Variants in CLSTN2 observed in about 807,000 individuals in gnomAD.
The protein encoded by CLSTN2 is calsyntenin-2.
A neutral mutation model predicts 101.2 loss-of-function variants in CLSTN2; 48 were observed. The ratio of observed to expected loss-of-function variants is 0.47; its 90% CI spans 0.38 to 0.60. The LOEUF (loss-of-function observed/expected upper bound fraction) is 0.60, where lower values mean the gene tolerates loss of function less well. Ranked by LOEUF, CLSTN2 falls within the 20% of genes least tolerant of loss-of-function variation. The pLI is 0.00. For synonymous variants in CLSTN2, 481 were observed against 463.6 expected, an observed-to-expected ratio of 1.04 and a Z score of -0.48; for missense variants, 1,160 against 1,238.2, an observed-to-expected ratio of 0.94 and a Z score of 0.95.
intron 1 of CLSTN2, among the ~76,000 whole-genome samples, chr3:139,966,685 T>C (rs1393881026): frequency 6.6e-6 from 1 of 152,220 alleles, no homozygotes; most frequent in African/African-American, 2.4e-5. Flanking sequence ...TATTTTTGTG[T>C]CTCCTTCCCT....
At chr3:140,053,727 G>A (rs2008045391) in intron 1 of CLSTN2, among the ~76,000 whole-genome samples, 1 of 152,116 alleles carries the variant, frequency 6.6e-6, no homozygotes, top group Admixed American at 6.5e-5. Context: ...CCCCTGAGCT[G>A]TGAGGCTTTG....
chr3:140,432,846 T>A (rs576738298), intron 5 of CLSTN2, among the ~76,000 whole-genome samples: 3 of 152,274 alleles, frequency 2.0e-5, no homozygotes, highest in African/African-American at 7.2e-5. Flanking sequence ...TCAATAATAA[T>A]AACAGTAATA....
intron 1 of CLSTN2, among the ~76,000 whole-genome samples, chr3:140,115,904 G>A (rs982059764): frequency 7.2e-5 from 11 of 152,200 alleles, no homozygotes; most frequent in South Asian, 6.2e-4. Context: ...AGTGGGCTCC[G>A]TTGTTAGGCT....
intron 1 of CLSTN2, among the ~76,000 whole-genome samples, chr3:140,041,028 G>T (rs61106304): frequency 0.016 from 2,509 of 152,238 alleles, 69 homozygotes; most frequent in African/African-American, 0.057. Flanking sequence ...GTGGAGAAAA[G>T]GCACAGTAAT....
At chr3:140,224,498 A>G (rs1236719140) in intron 2 of CLSTN2, among the ~76,000 whole-genome samples, 1 of 152,200 alleles carries the variant, frequency 6.6e-6, no homozygotes, top group African/African-American at 2.4e-5. Flanking sequence ...TGGAGTTTAT[A>G]TTATGTGTTC....
chr3:140,408,264 A>T (rs997569855), intron 4 of CLSTN2, among the ~76,000 whole-genome samples: 1 of 152,138 alleles, frequency 6.6e-6, no homozygotes, highest in Admixed American at 6.5e-5. Flanking sequence ...CAGTTTCCTG[A>T]GCTTTCAGGA....
At chr3:139,943,037 C>A (rs1203911128) in intron 1 of CLSTN2, among the ~76,000 whole-genome samples, 1 of 152,132 alleles carries the variant, frequency 6.6e-6, no homozygotes, top group African/African-American at 2.4e-5. Context: ...AAGGCTCACT[C>A]AGTATCTGTT....
At chr3:140,218,279 G>A (rs142096208) in intron 2 of CLSTN2, among the ~76,000 whole-genome samples, 60 of 152,264 alleles carry the variant, frequency 3.9e-4, no homozygotes, top group African/African-American at 1.4e-3. Context: ...TGTTTTGCTT[G>A]TATTAATCTC....
chr3:139,955,187 C>T (rs1428958514), intron 1 of CLSTN2, among the ~76,000 whole-genome samples: 1 of 133,386 alleles, frequency 7.5e-6, no homozygotes, highest in Non-Finnish European at 1.5e-5. Context: ...TTGAAAAGTT[C>T]TCTTAATTCT....
intron 2 of CLSTN2, among the ~76,000 whole-genome samples, chr3:140,195,167 G>T (rs545196040): frequency 6.6e-6 from 1 of 152,188 alleles, no homozygotes; most frequent in Non-Finnish European, 1.5e-5. Context: ...TCTTTATGCC[G>T]TGTTTATCTG....
At chr3:140,309,565 A>G (rs1194106870) in intron 2 of CLSTN2, among the ~76,000 whole-genome samples, 1 of 152,072 alleles carries the variant, frequency 6.6e-6, no homozygotes, top group Non-Finnish European at 1.5e-5. Context: ...GGTGATGGCA[A>G]TGCAGGCAGG....
At chr3:139,936,374 G>C (rs1167786214) in intron 1 of CLSTN2, among the ~76,000 whole-genome samples, 6 of 152,192 alleles carry the variant, frequency 3.9e-5, no homozygotes, top group Non-Finnish European at 2.9e-5. Context: ...ACAGTGGTGG[G>C]CTCAGGGGAG....
intron 2 of CLSTN2, among the ~76,000 whole-genome samples, chr3:140,250,078 A>G (rs1052180796): frequency 6.6e-6 from 1 of 152,218 alleles, no homozygotes; most frequent in African/African-American, 2.4e-5. Flanking sequence ...TTATTAGGCA[A>G]AAAACTTGAA....
At chr3:140,246,783 C>T (rs4504140) in intron 2 of CLSTN2, among the ~76,000 whole-genome samples, 147,294 of 152,186 alleles carry the variant, frequency 0.97, 71,453 homozygotes, top group East Asian at 1. Flanking sequence ...CCAGAAGTGT[C>T]GGGCTTTTTA....
chr3:140,340,729 C>T (rs949035982), intron 2 of CLSTN2, among the ~76,000 whole-genome samples: 3 of 152,164 alleles, frequency 2.0e-5, no homozygotes, highest in African/African-American at 7.2e-5. Flanking sequence ...GATTTCCTAA[C>T]TTTTTACCTA....
intron 8 of CLSTN2, among the ~76,000 whole-genome samples, chr3:140,468,524 A>C (rs192867143): frequency 6.6e-6 from 1 of 152,324 alleles, no homozygotes; most frequent in East Asian, 1.9e-4. Flanking sequence ...AACACATTCC[A>C]AACTACCCTG....
chr3:140,537,690 C>T (rs543811942), intron 9 of CLSTN2, among the ~76,000 whole-genome samples: 4 of 152,290 alleles, frequency 2.6e-5, no homozygotes, highest in Admixed American at 6.5e-5. Context: ...TGGGTCACAA[C>T]GTAAAAGATC....
intron 1 of CLSTN2, among the ~76,000 whole-genome samples, chr3:140,132,389 A>G (rs1008239683): frequency 1.3e-5 from 2 of 152,138 alleles, no homozygotes; most frequent in Non-Finnish European, 2.9e-5. Flanking sequence ...TATTTTGTAA[A>G]CCAACTTAGT....
At chr3:140,524,961 T>C (rs1466672378) in intron 8 of CLSTN2, among the ~76,000 whole-genome samples, 1 of 152,192 alleles carries the variant, frequency 6.6e-6, no homozygotes, top group African/African-American at 2.4e-5. Context: ...AAGAGGAAAG[T>C]GTATAGCACT....
Sources: allele counts gnomAD v4.1 joint callset (sites outside exome capture counted in the v4.1 genomes callset), GRCh38; gene constraint gnomAD v4.1.1; transcripts MANE v1.5; gene names NCBI Gene and HGNC (gene_info 2026-07-23, HGNC 2026-07-21).